Variants in RPL10A observed in about 807,000 individuals in gnomAD.
The protein encoded by RPL10A is large ribosomal subunit protein uL1.
A neutral mutation model predicts 24.6 loss-of-function variants in RPL10A; 11 were observed. The ratio of observed to expected loss-of-function variants is 0.45; its 90% confidence interval spans 0.28 to 0.74. The LOEUF (loss-of-function observed/expected upper bound fraction) is 0.74. RPL10A is among the 30% of genes least tolerant of loss of function. The pLI, the probability that RPL10A is intolerant of heterozygous loss-of-function variation, is 0.13. For synonymous variants in RPL10A, 98 were observed against 108.5 expected (o/e 0.90, Z 0.60); for missense variants, 136 against 273.1 (o/e 0.50, Z 3.54).
Position 35,470,063 on chromosome 6 carries a change from T to G in RPL10A, c.311-116T>G. 1.1e-6 allele frequency: 1 copy of G among 917,140 alleles called. No individual in the cohort carries two copies. Among genetic ancestry groups the G allele is most frequent in the South Asian group, 1.7e-5 (1 of 59,350 alleles). 56.8% of individuals were successfully genotyped at this position (917,140 alleles called of 1,614,324 possible). ...GACTGAGGCGGGGTCTTAGAGAGGG[T>G]GCTGCTTGGAGGTCACTTACATGAT... On this transcript the variant is annotated intron_variant, in intron 4 of 5. Transcript: ENST00000322203. The surrounding 1 kb of genome is among the most constrained non-coding windows in gnomAD (Gnocchi z 4.6).
chr6:35,469,829 C>T (rs1767987951), intron 4 of RPL10A, among the ~76,000 whole-genome samples: 1 of 152,118 alleles, frequency 6.6e-6, no homozygotes, highest in African/African-American at 2.4e-5. Context: ...ACTGCTTTTA[C>T]AGGTAGGAAG....
Position 35,470,084 on chromosome 6 carries a change from A to G in RPL10A, c.311-95A>G. The G allele has an allele frequency of 2.6e-6, 3 of 1,176,100 alleles. No individual in the cohort carries two copies. The highest frequency in any genetic ancestry group is 3.7e-6 in the Non-Finnish European group (3 of 819,690). 72.9% of individuals were successfully genotyped at this position (1,176,100 alleles called of 1,614,324 possible). ...AGGGTGCTGCTTGGAGGTCACTTAC[A>G]TGATTGATTCAAGTGCGTTTCTGGC... On this transcript the variant is annotated intron_variant, in intron 4 of 5. Transcript: ENST00000322203. This position sits in a 1 kb window ranked among gnomAD's most constrained non-coding sequence, Gnocchi z 4.6.
rs747297762 is a variant in RPL10A at position 35,470,575 on chromosome 6, C to G, written c.484-5C>G. 1.2e-6 allele frequency: 2 copies of G among 1,610,712 alleles called. No individual in the cohort carries two copies. Among genetic ancestry groups the G allele is most frequent in the South Asian group, 1.1e-5 (1 of 90,830 alleles). On this transcript the variant is annotated splice_region_variant and splice_polypyrimidine_tract_variant and intron_variant, in intron 5 of 5. Coordinates refer to ENST00000322203, the MANE Select transcript of RPL10A (RefSeq NM_007104.5). The surrounding 1 kb of genome is among the most constrained non-coding windows in gnomAD (Gnocchi z 4.6). ...CTGACTTGATCCTCTCTTCCCTCCT[C>G]CCAGGTGTTATGTCTGGCTGTAGCT...
intron 3 of RPL10A, 98 bp from the exon 4 acceptor site, chr6:35,469,283 C>A: frequency 6.6e-7 from 1 of 1,508,458 alleles, no homozygotes; most frequent in South Asian, 1.4e-5. Flanking sequence ...GTGAACGCTC[C>A]GGGTAAGGCT....
chr6:35,468,517 C>A, intron 1 of RPL10A, 78 bp downstream of exon 1: 2 of 1,611,688 alleles, frequency 1.2e-6, no homozygotes, highest in Non-Finnish European at 1.7e-6. Context: ...TCCTGTAGGC[C>A]GCGCCGCGGA....
In RPL10A at chr6:35,470,546, C is replaced by A; in HGVS notation, c.484-34C>A. ...GACAGGCCATCTGCTATTCGTCCAC[C>A]AACCTGACTTGATCCTCTCTTCCCT... On this transcript the variant is annotated intron_variant, in intron 5 of 5. Transcript: ENST00000322203. The surrounding 1 kb of genome is among the most constrained non-coding windows in gnomAD (Gnocchi z 4.6). 1 of 1,598,384 alleles carries A rather than the reference C, an allele frequency of 6.3e-7. No homozygotes were observed. The highest frequency in any genetic ancestry group is 8.6e-7 in the Non-Finnish European group (1 of 1,168,298).
chr6:35,469,633 CA>C (rs1320890101), intron 4 of RPL10A, 104 bp downstream of exon 4: 5 of 1,330,850 alleles, frequency 3.8e-6, no homozygotes, highest in Non-Finnish European at 5.1e-6. Context: ...CCTAGAATAG[CA>C]AAGGATCGGC....
Position 35,468,499 on chromosome 6 carries a change from G to T in RPL10A, c.5+60G>T, listed in dbSNP as rs948182946. On this transcript the variant is annotated intron_variant, in intron 1 of 5. Transcript: ENST00000322203. ...CCGCGCCTTCAGGTGCCCCGCCGAG[G>T]GTTCGGATCCTGTAGGCCGCGCCGC... The T allele has an allele frequency of 5.0e-6, 8 of 1,611,618 alleles. No individual in the cohort carries two copies. In the African/African-American group the frequency reaches 9.5e-5, roughly 19 times the overall value.
intron 3 of RPL10A, 28 bp from the exon 4 acceptor site, chr6:35,469,352 AC>A (rs1767974303): frequency 1.9e-6 from 3 of 1,572,766 alleles, no homozygotes; most frequent in Non-Finnish European, 8.6e-7. Context: ...GCTAGGCGTA[AC>A]CTGTTGGTGC....
At chr6:35,469,356 G>A in intron 3 of RPL10A, 25 bp from the exon 4 acceptor site, 1 of 1,583,544 alleles carries the variant, frequency 6.3e-7, no homozygotes, top group Non-Finnish European at 8.6e-7. Context: ...GGCGTAACCT[G>A]TTGGTGCTGT....
At chr6:35,469,267 G>C (rs527567495) in intron 3 of RPL10A, 114 bp from the exon 4 acceptor site, 1 of 1,506,350 alleles carries the variant, frequency 6.6e-7, no homozygotes, top group East Asian at 2.3e-5. Flanking sequence ...CTGGCTGCTG[G>C]TGAATGTGAA....
In RPL10A at chr6:35,469,363, C is replaced by T; in HGVS notation, c.162-18C>T. On this transcript the variant is annotated intron_variant, in intron 3 of 5. Coordinates refer to ENST00000322203, the MANE Select transcript of RPL10A (RefSeq NM_007104.5). ...CAGGGCTAGGCGTAACCTGTTGGTG[C>T]TGTCCCCCAAAACGCAGGCTTAAGT... The T allele has an allele frequency of 4.4e-6, 7 of 1,590,478 alleles. No homozygotes were observed. Among genetic ancestry groups the T allele is most frequent in the Admixed American group, 1.8e-5 (1 of 55,542 alleles).
rs749038104 is a variant in RPL10A at position 35,470,480 on chromosome 6, C to T, written c.484-100C>T. ...TTTTGGAGTAACCCTGGTCTTGGCC[C>T]GGGTCCAAGTACCTGCTCACCAGGC... On this transcript the variant is annotated intron_variant, in intron 5 of 5. Transcript: ENST00000322203. This position sits in a 1 kb window ranked among gnomAD's most constrained non-coding sequence, Gnocchi z 4.6. The T allele has an allele frequency of 1.1e-5, 17 of 1,485,784 alleles. No homozygotes were observed. In the East Asian group the frequency reaches 3.0e-4, roughly 26 times the overall value. 92.0% of individuals were successfully genotyped at this position (1,485,784 alleles called of 1,614,324 possible).
rs1378087774 is a variant in RPL10A, at chr6:35,470,395, G to A, written c.483+44G>A. The A allele has an allele frequency of 1.3e-6, 2 of 1,573,788 alleles. No individual in the cohort carries two copies. Among genetic ancestry groups the A allele is most frequent in the African/African-American group, 2.7e-5 (2 of 74,000 alleles). ...TTGCTATGGGTGAAGGTGTTGGCAG[G>A]GTCTAAATCTTATCCAAGTCTCTAA... On this transcript the variant is annotated intron_variant, in intron 5 of 5. Transcript: ENST00000322203. The surrounding 1 kb of genome is among the most constrained non-coding windows in gnomAD (Gnocchi z 4.6).
At chr6:35,469,146 C>T in intron 3 of RPL10A, 119 bp downstream of exon 3, 4 of 1,503,396 alleles carry the variant, frequency 2.7e-6, no homozygotes, top group South Asian at 2.7e-5. Context: ...TAGTTCAGAC[C>T]CCCTGCTCCG....
At chr6:35,468,629 G>C in intron 1 of RPL10A, 170 bp from the exon 2 acceptor site, 2 of 1,522,762 alleles carry the variant, frequency 1.3e-6, no homozygotes, top group South Asian at 2.4e-5. Flanking sequence ...TCTTCCACCG[G>C]GGCTTGGGTC....
intron 1 of RPL10A, 22 bp downstream of exon 1, chr6:35,468,461 T>C: frequency 6.2e-7 from 1 of 1,613,938 alleles, no homozygotes; most frequent in African/African-American, 1.3e-5. Flanking sequence ...CTGAAAGCCC[T>C]ATCCGCGTTC....
Position 35,469,549 on chromosome 6 carries a change from T to C in RPL10A, c.310+20T>C. 6.2e-7 allele frequency: 1 copy of C among 1,608,514 alleles called. No individual in the cohort carries two copies. Among genetic ancestry groups the C allele is most frequent in the Non-Finnish European group, 8.5e-7 (1 of 1,177,594 alleles). Reference sequence around the variant, plus strand: ...AGCTGGGTGAGTCCGGCCGCTGTGGTTTTGCATGTGAGATGTGTGGTGGGG... The same window carrying C: ...AGCTGGGTGAGTCCGGCCGCTGTGGCTTTGCATGTGAGATGTGTGGTGGGG... On this transcript the variant is annotated intron_variant, in intron 4 of 5. Coordinates refer to ENST00000322203, the MANE Select transcript of RPL10A (RefSeq NM_007104.5).
At chr6:35,469,135 G>A (rs1767963407) in intron 3 of RPL10A, 108 bp downstream of exon 3, 1 of 1,533,572 alleles carries the variant, frequency 6.5e-7, no homozygotes, top group East Asian at 2.4e-5. Flanking sequence ...ATGTGCTAGG[G>A]TAGTTCAGAC....
Sources: gnomAD v4.1 joint callset for allele counts (sites outside exome capture counted in the v4.1 genomes callset) on GRCh38, gnomAD v4.1.1 for gene constraint, Gnocchi (gnomAD v3.1) non-coding constraint, MANE v1.5 for transcripts, NCBI Gene and HGNC (gene_info 2026-07-23, HGNC 2026-07-21) for gene names.